The following ZMAT4 variants were observed in gnomAD, a reference collection of about 807,000 sequenced individuals.
ZMAT4 encodes zinc finger matrin-type 4, also known as zinc finger matrin-type protein 4.
ZMAT4 carries 17 observed loss-of-function variants against 28.7 expected under a neutral mutation model. The ratio of observed to expected loss-of-function variants is 0.59; its 90% CI spans 0.41 to 0.89. The LOEUF (loss-of-function observed/expected upper bound fraction) is 0.89. Ranked by LOEUF, ZMAT4 falls within the 40% of genes least tolerant of loss-of-function variation. The pLI, the probability that ZMAT4 is intolerant of heterozygous loss-of-function variation, is 0.00. For missense variants in ZMAT4, 240 were observed against 283.8 expected (o/e 0.85, Z 1.11); for synonymous variants, 117 against 109.2 (o/e 1.07, Z -0.44).
intron 3 of ZMAT4, among the ~76,000 whole-genome samples, chr8:40,748,295 C>A (rs1812322235): frequency 6.6e-6 from 1 of 152,180 alleles, no homozygotes; most frequent in African/African-American, 2.4e-5. Context: ...GTTCCTGTTG[C>A]AGGCAGGTAA....
At position 40,890,484 on chromosome 8, in the gene ZMAT4, C is replaced by T. The variant is rs1291105907; in HGVS notation, c.-5+7199G>A. 2.0e-5 allele frequency among the ~76,000 whole-genome samples: 3 copies of T among 152,046 alleles called. No individual in the cohort carries two copies. In the East Asian group the frequency reaches 5.8e-4, roughly 29 times the overall value. On this transcript the variant is annotated intron_variant, in intron 1 of 6. Transcript: ENST00000297737. ...CAAAGTATCGGCTTCTGATGCTGCCCTCCTCCCCCTCCCCATTGCCACTGT... is the reference window on the plus strand; with the variant it reads ...CAAAGTATCGGCTTCTGATGCTGCCTTCCTCCCCCTCCCCATTGCCACTGT...
intron 2 of ZMAT4, among the ~76,000 whole-genome samples, chr8:40,820,126 T>A (rs1169663874): frequency 2.0e-5 from 3 of 151,488 alleles, no homozygotes; most frequent in African/African-American, 4.9e-5. Flanking sequence ...TGCATAACAT[T>A]ATGGACTTTC....
intron 3 of ZMAT4, among the ~76,000 whole-genome samples, chr8:40,726,493 A>T (rs1811321837): frequency 6.6e-6 from 1 of 152,200 alleles, no homozygotes; most frequent in African/African-American, 2.4e-5. Context: ...ACCAGAGGGC[A>T]GATAATGCAA....
intron 5 of ZMAT4, among the ~76,000 whole-genome samples, chr8:40,594,547 TG>T (rs1805024864): frequency 6.6e-6 from 1 of 152,196 alleles, no homozygotes; most frequent in African/African-American, 2.4e-5. Flanking sequence ...AGATAATAAT[TG>T]TACCTACTCA....
At chr8:40,798,995 G>C (rs1189007258) in intron 2 of ZMAT4, among the ~76,000 whole-genome samples, 1 of 152,178 alleles carries the variant, frequency 6.6e-6, no homozygotes, top group Non-Finnish European at 1.5e-5. Context: ...CTCTTGCTGT[G>C]TCTGTCTGTG....
chr8:40,599,705 A>G (rs72636941), intron 5 of ZMAT4, among the ~76,000 whole-genome samples: 13,180 of 152,294 alleles, frequency 0.087, 742 homozygotes, highest in Non-Finnish European at 0.12. Flanking sequence ...CCCCACGGCT[A>G]TGCCTAAAGG....
chr8:40,655,712 C>A (rs918458331), intron 5 of ZMAT4, among the ~76,000 whole-genome samples: 4 of 152,008 alleles, frequency 2.6e-5, no homozygotes, highest in African/African-American at 9.7e-5. Context: ...TAAGAGAAGT[C>A]TTTTCAACAA....
At chr8:40,744,789 C>A (rs964751089) in intron 3 of ZMAT4, among the ~76,000 whole-genome samples, 3 of 152,190 alleles carry the variant, frequency 2.0e-5, no homozygotes, top group African/African-American at 7.2e-5. Context: ...TGCTATCCTG[C>A]AATTTTCAAC....
intron 4 of ZMAT4, among the ~76,000 whole-genome samples, chr8:40,689,219 G>C (rs1347378237): frequency 6.6e-6 from 1 of 152,186 alleles, no homozygotes. Context: ...CCAGCTTGTG[G>C]ACGCTGAGAA....
chr8:40,569,752 A>C (rs570112779), intron 6 of ZMAT4, among the ~76,000 whole-genome samples: 54 of 152,322 alleles, frequency 3.5e-4, no homozygotes, highest in African/African-American at 1.3e-3. Flanking sequence ...AACAGGAAAA[A>C]GAGGCCTCCA....
intron 6 of ZMAT4, among the ~76,000 whole-genome samples, chr8:40,555,091 T>C (rs1406577547): frequency 6.6e-6 from 1 of 152,208 alleles, no homozygotes; most frequent in South Asian, 2.1e-4. Flanking sequence ...TTTCTGTGCC[T>C]GGCTTATTTT....
At chr8:40,583,278 A>G (rs1281800273) in intron 5 of ZMAT4, among the ~76,000 whole-genome samples, 1 of 152,174 alleles carries the variant, frequency 6.6e-6, no homozygotes, top group East Asian at 1.9e-4. Flanking sequence ...CAAAGTATAA[A>G]AGGTGACAGA....
intron 5 of ZMAT4, among the ~76,000 whole-genome samples, chr8:40,605,473 A>T (rs897047815): frequency 5.9e-5 from 9 of 152,076 alleles, no homozygotes; most frequent in Non-Finnish European, 8.8e-5. Flanking sequence ...TTTAATTTTC[A>T]TGTATTTGTA....
rs912179920 is a variant in ZMAT4, at chr8:40,640,119, G to A, written c.577+34585C>T. Among the ~76,000 whole-genome samples the A allele has an allele frequency of 3.3e-5, 5 of 152,106 alleles. No individual in the cohort carries two copies. The South Asian group carries it at 8.3e-4, about 25-fold the overall frequency. On this transcript the variant is annotated intron_variant, in intron 5 of 6. Transcript: ENST00000297737. Reference sequence around the variant, plus strand: ...AGCCTCCTGGATAGCTTGGACTACAGGTGTGCATCACCAAGCCTGACTAAG... The same window carrying A: ...AGCCTCCTGGATAGCTTGGACTACAAGTGTGCATCACCAAGCCTGACTAAG...
chr8:40,622,714 G>C (rs2122947), intron 5 of ZMAT4, among the ~76,000 whole-genome samples: 9,921 of 152,222 alleles, frequency 0.065, 497 homozygotes, highest in Admixed American at 0.15. Flanking sequence ...AAGAGGAAGG[G>C]GAGCTGGTGT....
intron 3 of ZMAT4, among the ~76,000 whole-genome samples, chr8:40,755,235 A>G (rs1812630800): frequency 6.6e-6 from 1 of 152,156 alleles, no homozygotes. Flanking sequence ...AAAGTCTGAT[A>G]AGGAAGAGAA....
At chr8:40,652,658 T>C (rs9692827) in intron 5 of ZMAT4, among the ~76,000 whole-genome samples, 105,754 of 108,498 alleles carry the variant, frequency 0.97, 51,691 homozygotes, top group Middle Eastern at 1. Flanking sequence ...GCATTATTCA[T>C]GATAGCAAAG....
chr8:40,575,499 T>C (rs1035706231), intron 6 of ZMAT4, among the ~76,000 whole-genome samples: 1 of 151,878 alleles, frequency 6.6e-6, no homozygotes, highest in African/African-American at 2.4e-5. Context: ...GCCACACCAC[T>C]GCCCCCACAA....
At chr8:40,618,013 C>A (rs1445349557) in intron 5 of ZMAT4, among the ~76,000 whole-genome samples, 1 of 152,164 alleles carries the variant, frequency 6.6e-6, no homozygotes, top group African/African-American at 2.4e-5. Context: ...CAAATTCTAC[C>A]ACACTCTCTA....
Sources: allele counts gnomAD v4.1 joint callset (sites outside exome capture counted in the v4.1 genomes callset), GRCh38; gene constraint gnomAD v4.1.1; transcripts MANE v1.5; gene names NCBI Gene and HGNC (gene_info 2026-07-23, HGNC 2026-07-21).